Variants in PLPP5 observed in about 807,000 individuals in gnomAD.
PLPP5 encodes phospholipid phosphatase 5.
Under a neutral mutation model 23.6 loss-of-function variants are expected in PLPP5, and 29 were observed. The ratio of observed to expected loss-of-function variants is 1.23; its 90% CI spans 0.92 to 1.68. The LOEUF (loss-of-function observed/expected upper bound fraction) is 1.68, where lower values mean the gene tolerates loss of function less well. Among genes scored for constraint, PLPP5 ranks in the 40% most tolerant of loss-of-function variants. The pLI, the probability that PLPP5 is intolerant of heterozygous loss-of-function variation, is 0.00. For synonymous variants in PLPP5, 143 were observed against 131.3 expected (o/e 1.09, Z -0.61); for missense variants, 315 against 332.1 (o/e 0.95, Z 0.40).
Position 38,266,224 on chromosome 8 carries a change from C to T in PLPP5, c.551G>A (p.Arg184Lys), listed in dbSNP as rs1294275859. ...TAGAGGTGACAGAAAGGCACAGAAC[C>T]TCCAAGATTTCCCACGGCCTTGTGG... ...FTPQGRGKSWRFCAFLSPLLF... is the reference protein window; with the variant it reads ...FTPQGRGKSWKFCAFLSPLLF... The change falls in exon 6 of 7, where the codon AGG becomes AAG. Residue 184 changes from arginine (R) to lysine (K), a missense_variant. Transcript: ENST00000424479. 6.2e-7 allele frequency: 1 copy of T among 1,613,852 alleles called. No homozygotes were observed. The highest frequency in any genetic ancestry group is 1.7e-4 in the Middle Eastern group (1 of 6,060).
At position 38,267,296 on chromosome 8, in the gene PLPP5, C is replaced by G. The variant is rs1330506362; in HGVS notation, c.434G>C (p.Arg145Pro). 6.2e-7 allele frequency: 1 copy of G among 1,613,884 alleles called. No individual in the cohort carries two copies. The highest frequency in any genetic ancestry group is 1.3e-5 in the African/African-American group (1 of 74,914). Residue 145 changes from arginine to proline, a missense_variant, in exon 5 of 7, where the codon CGA (arginine) becomes CCA (proline). Coordinates refer to ENST00000424479, the MANE Select transcript of PLPP5 (RefSeq NM_001102559.2). ...AGAATGTCCACTGGGGAAGCTCTTTCGGCCCTCATTCACCACGTCCTTATC... is the reference window on the plus strand; with the variant it reads ...AGAATGTCCACTGGGGAAGCTCTTTGGGCCCTCATTCACCACGTCCTTATC... ...TGDKDVVNEG[R>P]KSFPSGHSSF...
Position 38,267,251 on chromosome 8 carries a change from C to G in PLPP5, c.463+16G>C. ...GTGAAAACAAGCATAGGGTAGAGTC[C>G]ATATGATATTCATACAGGAAGAATG... On this transcript the variant is annotated intron_variant, in intron 5 of 6. Coordinates refer to ENST00000424479, the MANE Select transcript of PLPP5 (RefSeq NM_001102559.2). 7 of 1,613,912 alleles carry G rather than the reference C, an allele frequency of 4.3e-6. No individual in the cohort carries two copies. Among genetic ancestry groups the G allele is most frequent in the Non-Finnish European group, 5.9e-6 (7 of 1,179,836 alleles).
rs1210523810 is a variant in PLPP5 at position 38,267,316 on chromosome 8, C to T, written c.414G>A (p.Lys138=). Residue 138 remains lysine, a synonymous_variant, in exon 5 of 7, where the codon AAG becomes AAA. Coordinates refer to ENST00000424479, the MANE Select transcript of PLPP5 (RefSeq NM_001102559.2). ...TCTTTCGGCCCTCATTCACCACGTC[C>T]TTATCCCCTGTACACATCAAGTCAG... ...AHSDLMCTGD[K]DVVNEGRKSF... The T allele has an allele frequency of 6.8e-6, 11 of 1,614,012 alleles. No individual in the cohort carries two copies. In the Admixed American group the frequency reaches 8.3e-5, roughly 12 times the overall value.
In PLPP5 at chr8:38,264,070, A is replaced by G; in HGVS notation, c.*374T>C. On this transcript the variant is annotated 3_prime_UTR_variant, in exon 7 of 7. Coordinates refer to ENST00000424479, the MANE Select transcript of PLPP5 (RefSeq NM_001102559.2). ...GTCCTCACTTGCACCTTGGAAGGGG[A>G]AAAAAAGGCTAGAATTTCTTGTCTT... 9.1e-6 allele frequency: 9 copies of G among 989,126 alleles called. No individual in the cohort carries two copies. The highest frequency in any genetic ancestry group is 9.2e-5 in the South Asian group (2 of 21,628). 61.3% of individuals were successfully genotyped at this position (989,126 alleles called of 1,614,324 possible). A position where few individuals can be genotyped will look rare whatever the true frequency, so the allele number is the denominator to read the frequency against.
rs758173996 is a variant in PLPP5 at position 38,267,315 on chromosome 8, C to T, written c.415G>A (p.Asp139Asn). The part of the protein sequence containing the change: ...HSDLMCTGDK[D>N]VVNEGRKSFP... ...CTCTTTCGGCCCTCATTCACCACGT[C>T]CTTATCCCCTGTACACATCAAGTCA... The change falls in exon 5 of 7, where the codon GAC becomes AAC. Residue 139 changes from aspartate to asparagine, a missense_variant. By Grantham distance (23) the Asp-to-Asn change is conservative. Coordinates refer to ENST00000424479, the MANE Select transcript of PLPP5 (RefSeq NM_001102559.2). 6.2e-7 allele frequency: 1 copy of T among 1,614,036 alleles called. No homozygotes were observed. Among genetic ancestry groups the T allele is most frequent in the Non-Finnish European group, 8.5e-7 (1 of 1,179,896 alleles).
In PLPP5 at chr8:38,263,371, T is replaced by A; in HGVS notation, c.*1073A>T. The A allele has an allele frequency of 1.0e-6, 1 of 985,244 alleles. No individual in the cohort carries two copies. The highest frequency in any genetic ancestry group is 1.2e-6 in the Non-Finnish European group (1 of 829,748). 61.0% of individuals were successfully genotyped at this position (985,244 alleles called of 1,614,324 possible). A position where few individuals can be genotyped will look rare whatever the true frequency, so the allele number is the denominator to read the frequency against. On this transcript the variant is annotated 3_prime_UTR_variant, in exon 7 of 7. Transcript: ENST00000424479. ...ATACCTGTCATTTTTCTTTTCTACCTTAGTCACTTGGCAGTGTTGGTGCAT... is the reference window on the plus strand; with the variant it reads ...ATACCTGTCATTTTTCTTTTCTACCATAGTCACTTGGCAGTGTTGGTGCAT...
rs117245448 is a variant in PLPP5 at position 38,267,757 on chromosome 8, C to G, written c.338+140G>C. 5.4e-4 allele frequency: 473 copies of G among 879,914 alleles called. 4 individuals carry two copies. In the East Asian group the frequency reaches 0.011, roughly 21 times the overall value. 54.5% of individuals were successfully genotyped at this position (879,914 alleles called of 1,614,324 possible). A position where few individuals can be genotyped will look rare whatever the true frequency, so the allele number is the denominator to read the frequency against. ...ACTGAGGTATGGGGAAGGGAGTAAG[C>G]GTTGAATGACAAAAGAAAAATCAGA... On this transcript the variant is annotated intron_variant, in intron 4 of 6. Coordinates refer to ENST00000424479, the MANE Select transcript of PLPP5 (RefSeq NM_001102559.2).
rs1807933299 is a variant in PLPP5, at chr8:38,267,967, A to T, written c.275-7T>A. On this transcript the variant is annotated splice_polypyrimidine_tract_variant and splice_region_variant and intron_variant, in intron 3 of 6. Transcript: ENST00000424479. Reference sequence around the variant, plus strand: ...GCCAGGGCAAGGCTGGCAGCTGCAAAGCAAAGCCATTAGTTGAAAGGATCT... The same window carrying T: ...GCCAGGGCAAGGCTGGCAGCTGCAATGCAAAGCCATTAGTTGAAAGGATCT... The T allele has an allele frequency of 1.2e-6, 2 of 1,614,008 alleles. No homozygotes were observed. The highest frequency in any genetic ancestry group is 1.3e-5 in the African/African-American group (1 of 75,048).
At position 38,267,937 on chromosome 8, in the gene PLPP5, T is replaced by G. The variant is rs1269526923; in HGVS notation, c.298A>C (p.Asn100His). 3 of 1,613,982 alleles carry G rather than the reference T, an allele frequency of 1.9e-6. No individual in the cohort carries two copies. The highest frequency in any genetic ancestry group is 2.5e-6 in the Non-Finnish European group (3 of 1,179,878). Reference protein sequence around the residue: ...CLAASLALALNGVFTNTIKLI... With the variant: ...CLAASLALALHGVFTNTIKLI... ...TTTATTGTGTTGGTAAAGACGCCAT[T>G]CAGAGCCAGGGCAAGGCTGGCAGCT... The change falls in exon 4 of 7, where the codon AAT becomes CAT. Residue 100 changes from asparagine (N) to histidine (H), a missense_variant. Coordinates refer to ENST00000424479, the MANE Select transcript of PLPP5 (RefSeq NM_001102559.2).
chr8:38,268,168 C>G, intron 3 of PLPP5: 1 of 1,288,146 alleles, frequency 7.8e-7, no homozygotes, highest in Non-Finnish European at 1.0e-6. Flanking sequence ...ACAAATAACC[C>G]AGTGCATTTA....
At chr8:38,268,173 C>CCTAA in intron 3 of PLPP5, 198 bp downstream of exon 3, 1 of 1,234,010 alleles carries the variant, frequency 8.1e-7, no homozygotes, top group Non-Finnish European at 1.1e-6. Flanking sequence ...TAACCCAGTG[C>CCTAA]ATTTAGGCAC....
intron 4 of PLPP5, chr8:38,267,693 G>A (rs918772666): frequency 1.1e-5 from 7 of 640,944 alleles, no homozygotes; most frequent in Non-Finnish European, 1.9e-5. Context: ...GGTGGGAAAT[G>A]CTGTTCAGGC....
Position 38,268,928 on chromosome 8 carries a change from C to A in PLPP5, c.137G>T (p.Arg46Leu). 2 of 1,561,414 alleles carry A rather than the reference C, an allele frequency of 1.3e-6. No individual in the cohort carries two copies. ...ATACTCCGCCTCCACGTAGGGGTTC[C>A]GGTAGAGCCACATCTCCTCCGGCTG... ...LIQPEEMWLY[R>L]NPYVEAEYFP... is the part of the protein sequence containing the mutation. The change falls in exon 2 of 7, where the codon CGG (arginine) becomes CTG (leucine). Residue 46 changes from arginine (R) to leucine (L), a missense_variant. Transcript: ENST00000424479.
chr8:38,267,171 CAA>C (rs1807750195), intron 5 of PLPP5, 94 bp downstream of exon 5: 2 of 1,604,254 alleles, frequency 1.2e-6, no homozygotes, highest in Middle Eastern at 1.9e-4. Context: ...ATTGTAGAAA[CAA>C]GAGTAGTCAG....
intron 3 of PLPP5, 126 bp downstream of exon 3, chr8:38,268,245 G>A: frequency 9.2e-7 from 1 of 1,082,220 alleles, no homozygotes; most frequent in Non-Finnish European, 1.3e-6. Context: ...CCTCTCCCGC[G>A]GGGATAGAGT....
Position 38,263,572 on chromosome 8 carries a change from A to G in PLPP5, c.*872T>C. 1.0e-6 allele frequency: 1 copy of G among 985,432 alleles called. No homozygotes were observed. The highest frequency in any genetic ancestry group is 1.2e-6 in the Non-Finnish European group (1 of 829,908). The allele number at this position is 985,432 out of a possible 1,614,324, so 61.0% of individuals were successfully genotyped here. On this transcript the variant is annotated 3_prime_UTR_variant, in exon 7 of 7. Coordinates refer to ENST00000424479, the MANE Select transcript of PLPP5 (RefSeq NM_001102559.2). ...AAATTGTTTATGCCCACGGTGTTCA[A>G]AATGCACAGCAGTACCAGATGGCTG...
intron 4 of PLPP5, 145 bp from the exon 5 acceptor site, chr8:38,267,536 A>G: frequency 3.2e-6 from 3 of 930,474 alleles, no homozygotes; most frequent in South Asian, 1.8e-5. Context: ...TAGTCACCAC[A>G]CTAAGAGAAA....
chr8:38,266,784 C>T (rs1158943601), intron 5 of PLPP5, among the ~76,000 whole-genome samples: 2 of 152,138 alleles, frequency 1.3e-5, no homozygotes, highest in African/African-American at 2.4e-5. Flanking sequence ...AAATGAAGGA[C>T]TTAGTGCCCC....
At position 38,264,871 on chromosome 8, in the gene PLPP5, T is replaced by C. The variant is rs1400762290; in HGVS notation, c.635-267A>G. 3.7e-6 allele frequency: 6 copies of C among 1,610,516 alleles called. No homozygotes were observed. In the Admixed American group the frequency reaches 6.8e-5, roughly 18 times the overall value. ...AAGCTTTGTTCAGAGTGTACTAAAT[T>C]AGAATTTTTCTAACTCAGAAGAGTA... On this transcript the variant is annotated intron_variant, in intron 6 of 6. Transcript: ENST00000424479.
Sources: gnomAD v4.1 joint callset for allele counts (sites outside exome capture counted in the v4.1 genomes callset) on GRCh38, gnomAD v4.1.1 for gene constraint, MANE v1.5 for transcripts, NCBI Gene and HGNC (gene_info 2026-07-23, HGNC 2026-07-21) for gene names.